PROCR: variants seen among roughly 807,000 people sequenced by gnomAD.
PROCR encodes endothelial protein C receptor.
PROCR carries 22 observed loss-of-function variants against 24.2 expected under a neutral mutation model. That is an observed-to-expected ratio of 0.91 (90% CI 0.65 to 1.30). PROCR has a LOEUF of 1.30. PROCR is among the 50% of genes most tolerant of loss of function. The pLI is 0.00. For synonymous variants in PROCR, 137 were observed against 139.2 expected (o/e 0.98, Z 0.11); for missense variants, 288 against 307.7 (o/e 0.94, Z 0.48).
chr20:35,190,124 C>T (rs1242720401), intron 1 of PROCR, among the ~76,000 whole-genome samples: 1 of 151,938 alleles, frequency 6.6e-6, no homozygotes, highest in African/African-American at 2.4e-5. Flanking sequence ...ATTCTCACAC[C>T]CAGTAAAAAG....
chr20:35,178,400 T>TA (rs1234532366), downstream of PROCR, among the ~76,000 whole-genome samples: 2 of 119,168 alleles, frequency 1.7e-5, no homozygotes, highest in African/African-American at 3.9e-5. Flanking sequence ...TGAGATTCTT[T>TA]TTTTTTTTAA....
chr20:35,174,069 A>C (rs958759254), intron 1 of PROCR, among the ~76,000 whole-genome samples: 1 of 152,206 alleles, frequency 6.6e-6, no homozygotes, highest in Non-Finnish European at 1.5e-5. Context: ...TAGCTATTGC[A>C]TTAAGCCACT....
At chr20:35,189,220 G>A (rs754507898) in intron 1 of PROCR, among the ~76,000 whole-genome samples, 9 of 149,552 alleles carry the variant, frequency 6.0e-5, no homozygotes, top group Non-Finnish European at 1.0e-4. Context: ...TCTTTCCCCA[G>A]TAAGGAATAT....
intron 1 of PROCR, among the ~76,000 whole-genome samples, chr20:35,210,741 G>A (rs975788612): frequency 3.4e-5 from 5 of 148,500 alleles, no homozygotes; most frequent in Admixed American, 2.7e-4. Flanking sequence ...CTGAGATGGA[G>A]TCTCACTCTT....
chr20:35,174,991 GCTAGT>G, intron 2 of PROCR, 38 bp downstream of exon 2: 1 of 866,544 alleles, frequency 1.2e-6, no homozygotes. Context: ...TCTGGGCGGG[GCTAGT>G]GGGGGCGGGG....
At position 35,176,395 on chromosome 20, in the gene PROCR, G is replaced by A; in HGVS notation, c.550G>A (p.Asp184Asn). 2 of 1,614,202 alleles carry A rather than the reference G, an allele frequency of 1.2e-6. No homozygotes were observed. The highest frequency in any genetic ancestry group is 1.1e-5 in the South Asian group (1 of 91,086). Residue 184 changes from aspartate (D) to asparagine (N), a missense_variant, in exon 3 of 4, where the codon GAC becomes AAC. Asp to Asn is a conservative substitution (Grantham distance 23). Transcript: ENST00000216968. Reference sequence around the variant, plus strand: ...GTATGAACTGCGGGAATTCCTGGAGGACACCTGTGTGCAGTATGTGCAGAA... The same window carrying A: ...GTATGAACTGCGGGAATTCCTGGAGAACACCTGTGTGCAGTATGTGCAGAA... Reference protein sequence around the residue: ...TRYELREFLEDTCVQYVQKHI... With the variant: ...TRYELREFLENTCVQYVQKHI...
intron 1 of PROCR, chr20:35,195,193 A>C (rs999067888): frequency 1.3e-5 from 2 of 152,242 alleles, no homozygotes; most frequent in East Asian, 3.8e-4. Flanking sequence ...TGCAGAGCTC[A>C]TTAGTAGAAT....
chr20:35,209,118 T>C (rs2060352871), intron 1 of PROCR, among the ~76,000 whole-genome samples: 1 of 152,196 alleles, frequency 6.6e-6, no homozygotes, highest in Non-Finnish European at 1.5e-5. Context: ...GAATAAATAC[T>C]ATGAAGTACA....
chr20:35,215,883 T>G (rs1367267210), intron 1 of PROCR: 1 of 985,220 alleles, frequency 1.0e-6, no homozygotes, highest in African/African-American at 1.7e-5. Flanking sequence ...TCATTTATAT[T>G]TCCTTTCAGA....
chr20:35,210,611 T>G (rs2060358958), intron 1 of PROCR, among the ~76,000 whole-genome samples: 1 of 152,162 alleles, frequency 6.6e-6, no homozygotes, highest in Admixed American at 6.5e-5. Flanking sequence ...TTCTGAATCT[T>G]GTATTTTTAA....
At chr20:35,210,695 T>C (rs1475493551) in intron 1 of PROCR, among the ~76,000 whole-genome samples, 1 of 151,676 alleles carries the variant, frequency 6.6e-6, no homozygotes, top group Non-Finnish European at 1.5e-5. Context: ...ATATATGCCT[T>C]TCTTTCTTTT....
chr20:35,183,264 G>A (rs1410937504), intron 1 of PROCR, among the ~76,000 whole-genome samples: 1 of 152,186 alleles, frequency 6.6e-6, no homozygotes, highest in Non-Finnish European at 1.5e-5. Context: ...CATAATGGGA[G>A]GTGTTTGGGT....
intron 1 of PROCR, among the ~76,000 whole-genome samples, chr20:35,205,915 C>A (rs879654752): frequency 2.7e-5 from 4 of 148,784 alleles, no homozygotes; most frequent in African/African-American, 7.4e-5. Flanking sequence ...GATCCCCCCC[C>A]CAACCTCGGC....
intron 1 of PROCR, among the ~76,000 whole-genome samples, chr20:35,208,312 A>G (rs1291239075): frequency 1.3e-5 from 2 of 152,236 alleles, no homozygotes; most frequent in Non-Finnish European, 1.5e-5. Flanking sequence ...TCTGTTCCAC[A>G]GTCGTATAGC....
chr20:35,172,984 A>G (rs1240974978), intron 1 of PROCR, among the ~76,000 whole-genome samples: 3 of 152,198 alleles, frequency 2.0e-5, no homozygotes, highest in Non-Finnish European at 2.9e-5. Context: ...TATTATTACT[A>G]TCTCCATTTT....
intron 1 of PROCR, among the ~76,000 whole-genome samples, chr20:35,190,506 A>T (rs2086164722): frequency 6.6e-6 from 1 of 152,212 alleles, no homozygotes; most frequent in African/African-American, 2.4e-5. Flanking sequence ...TTATTTTATT[A>T]AGCCTTTCAT....
chr20:35,174,807 A>G lies in PROCR; in HGVS notation c.176A>G (p.Glu59Gly). 1 of 1,614,006 alleles carries G rather than the reference A, an allele frequency of 6.2e-7. No homozygotes were observed. Among genetic ancestry groups the G allele is most frequent in the Non-Finnish European group, 8.5e-7 (1 of 1,179,970 alleles). The change falls in exon 2 of 4, where the codon GAA (glutamate) becomes GGA (glycine). Residue 59 changes from glutamate to glycine, a missense_variant. Transcript: ENST00000216968. ...SLGGHLTHVL[E>G]GPDTNTTIIQ... is the part of the protein sequence containing the mutation. ...GGGGGACACCTAACGCACGTGCTGG[A>G]AGGCCCAGACACCAACACCACGATC...
At chr20:35,199,674 C>T (rs6142319) in intron 1 of PROCR, among the ~76,000 whole-genome samples, 16 of 151,184 alleles carry the variant, frequency 1.1e-4, no homozygotes, top group Admixed American at 2.6e-4. Context: ...CTTGAACCTG[C>T]GAGTCAGAGG....
At chr20:35,180,246 T>A (rs1024042250), downstream of PROCR, among the ~76,000 whole-genome samples, 2 of 92,762 alleles carry the variant, frequency 2.2e-5, no homozygotes, top group African/African-American at 1.1e-4. Flanking sequence ...AAATTCCATC[T>A]CAAATAAATA....
Sources: gnomAD v4.1 joint callset for allele counts (sites outside exome capture counted in the v4.1 genomes callset) on GRCh38, gnomAD v4.1.1 for gene constraint, MANE v1.5 for transcripts, NCBI Gene and HGNC (gene_info 2026-07-23, HGNC 2026-07-21) for gene names.